The following SERPINB7 variants were observed in gnomAD, a reference collection of about 807,000 sequenced individuals.
SERPINB7 encodes the protein serpin B7.
In SERPINB7, 31 loss-of-function variants were observed where a neutral mutation model predicts 37.4. The ratio of observed to expected loss-of-function variants is 0.83; its 90% confidence interval spans 0.62 to 1.12. The LOEUF is 1.12. Ranked by LOEUF, SERPINB7 falls within the 50% of genes most tolerant of loss-of-function variation. The pLI, the probability that SERPINB7 is intolerant of heterozygous loss-of-function variation, is 0.00. For missense variants in SERPINB7, 521 were observed against 455.3 expected (o/e 1.14, Z -1.31); for synonymous variants, 163 against 166.1 (o/e 0.98, Z 0.14).
chr18:63,780,099 A>G (rs2049287815), intron 1 of SERPINB7, among the ~76,000 whole-genome samples: 1 of 152,150 alleles, frequency 6.6e-6, no homozygotes, highest in South Asian at 2.1e-4. Context: ...AATACACCCA[A>G]TCTTCTATTA....
At position 63,756,939 on chromosome 18, in the gene SERPINB7, T is replaced by C. The variant is rs1423217513; in HGVS notation, c.-19+3819T>C. Among the ~76,000 whole-genome samples, 5 of 152,096 alleles carry C rather than the reference T, an allele frequency of 3.3e-5. No individual in the cohort carries two copies. The East Asian group carries it at 9.6e-4, about 29-fold the overall frequency. ...AAAGCCTTCTTTCACTCAAATTCTA[T>C]ACCTTTTCCTATTTCAATCGCTATC... On this transcript the variant is annotated intron_variant, in intron 1 of 7. Coordinates refer to the SERPINB7 transcript ENST00000336429.
At chr18:63,783,220 G>GAAAGAAAGAAAGAA (rs1224407643) in intron 2 of SERPINB7, among the ~76,000 whole-genome samples, 6 of 63,856 alleles carry the variant, frequency 9.4e-5, no homozygotes, top group African/African-American at 4.1e-4. Context: ...GAGAGAGAGA[G>GAAAGAAAGAAAGAA]AGAGAGAGAG....
At chr18:63,781,791 G>C (rs1199168790) in intron 1 of SERPINB7, among the ~76,000 whole-genome samples, 1 of 151,890 alleles carries the variant, frequency 6.6e-6, no homozygotes, top group Non-Finnish European at 1.5e-5. Context: ...ATCAGAAAAT[G>C]GTTTTAAACA....
chr18:63,753,521 C>A (rs1485310288), intron 1 of SERPINB7, among the ~76,000 whole-genome samples: 1 of 152,162 alleles, frequency 6.6e-6, no homozygotes, highest in African/African-American at 2.4e-5. Flanking sequence ...TGTGTCTGGG[C>A]TTTCTATCTC....
At position 63,800,893 on chromosome 18, in the gene SERPINB7, C is replaced by A. The variant is rs528238167; in HGVS notation, c.625C>A (p.His209Asn). ...CTCTGGGAAGGCAGTCGCCATGATG[C>A]ATCAGGAACGGAAGTTCAATTTGTC... ...KCSGKAVAMM[H>N]QERKFNLSVI... is the part of the protein sequence containing the mutation. Residue 209 changes from histidine (H) to asparagine (N), a missense_variant, in exon 7 of 8, where the codon CAT becomes AAT. His to Asn is a moderately conservative substitution (Grantham distance 68). Coordinates refer to ENST00000398019, the MANE Select transcript of SERPINB7 (RefSeq NM_003784.4). The A allele has an allele frequency of 1.1e-5, 17 of 1,613,772 alleles. No homozygotes were observed. The South Asian group carries it at 1.8e-4, about 17-fold the overall frequency.
intron 1 of SERPINB7, among the ~76,000 whole-genome samples, chr18:63,768,275 T>A (rs1221400417): frequency 6.6e-6 from 1 of 151,076 alleles, no homozygotes; most frequent in African/African-American, 2.4e-5. Context: ...CATTTTTTTT[T>A]ATTCTGTAGA....
chr18:63,796,553 A>G (rs950700436), intron 5 of SERPINB7, among the ~76,000 whole-genome samples, 170 bp downstream of exon 5: 5 of 152,192 alleles, frequency 3.3e-5, no homozygotes, highest in Non-Finnish European at 7.3e-5. Context: ...GTGGTTTGGA[A>G]TAATCTTAAT....
At chr18:63,789,817 A>T (rs1347440059) in intron 2 of SERPINB7, among the ~76,000 whole-genome samples, 4 of 152,214 alleles carry the variant, frequency 2.6e-5, no homozygotes, top group African/African-American at 4.8e-5. Context: ...TTATCATAAC[A>T]TGCATAAATG....
chr18:63,800,291 G>A lies in SERPINB7; in HGVS notation c.598-575G>A, dbSNP rs565696381. Among the ~76,000 whole-genome samples the A allele has an allele frequency of 2.0e-5, 3 of 151,768 alleles. No homozygotes were observed. The East Asian group carries it at 5.8e-4, about 29-fold the overall frequency. On this transcript the variant is annotated intron_variant, in intron 6 of 7. Transcript: ENST00000398019. Reference sequence around the variant, plus strand: ...TGCTCAGCCTGGTCTTGAGCTCTTGGGCTCAAGTAGTCCTCTTGCCTGGAC... The same window carrying A: ...TGCTCAGCCTGGTCTTGAGCTCTTGAGCTCAAGTAGTCCTCTTGCCTGGAC...
intron 7 of SERPINB7, among the ~76,000 whole-genome samples, chr18:63,802,600 T>C (rs1048103192): frequency 3.3e-5 from 5 of 152,234 alleles, no homozygotes; most frequent in Non-Finnish European, 5.9e-5. Context: ...TGTGTGTATG[T>C]ATGTGCACAC....
At chr18:63,778,418 A>G (rs1046865780) in intron 1 of SERPINB7, among the ~76,000 whole-genome samples, 2 of 152,158 alleles carry the variant, frequency 1.3e-5, no homozygotes, top group African/African-American at 4.8e-5. Flanking sequence ...TCCTATATGT[A>G]TATCCTAATT....
chr18:63,789,750 C>A (rs1490702466), intron 2 of SERPINB7, among the ~76,000 whole-genome samples: 1 of 152,196 alleles, frequency 6.6e-6, no homozygotes, highest in Non-Finnish European at 1.5e-5. Flanking sequence ...ATGCAAGATT[C>A]TCAAAATATA....
chr18:63,802,258 C>T (rs990446612), intron 7 of SERPINB7, among the ~76,000 whole-genome samples: 5 of 152,138 alleles, frequency 3.3e-5, no homozygotes, highest in East Asian at 1.9e-4. Context: ...AATGGGGAGA[C>T]GGTGGGGGCC....
intron 2 of SERPINB7, among the ~76,000 whole-genome samples, chr18:63,787,013 G>C (rs1380493327): frequency 6.6e-6 from 1 of 151,908 alleles, no homozygotes; most frequent in Non-Finnish European, 1.5e-5. Context: ...ACATGAGATG[G>C]GATAAGACCC....
chr18:63,764,129 G>C (rs1230565548), intron 1 of SERPINB7, among the ~76,000 whole-genome samples: 1 of 152,160 alleles, frequency 6.6e-6, no homozygotes, highest in East Asian at 1.9e-4. Flanking sequence ...ATTTTCCCAA[G>C]AGTTGAATTC....
intron 1 of SERPINB7, among the ~76,000 whole-genome samples, chr18:63,762,421 C>T (rs115602614): frequency 0.011 from 1,689 of 152,282 alleles, 24 homozygotes; most frequent in African/African-American, 0.036. Context: ...TTGCCCAGAA[C>T]ATTCCACTAT....
At chr18:63,774,097 T>A (rs950840384), upstream of SERPINB7, among the ~76,000 whole-genome samples, 4 of 152,072 alleles carry the variant, frequency 2.6e-5, no homozygotes, top group Non-Finnish European at 4.4e-5. Context: ...CATTTTTTTT[T>A]TATATTAACA....
At chr18:63,780,937 T>C (rs755912669) in intron 1 of SERPINB7, among the ~76,000 whole-genome samples, 1 of 152,236 alleles carries the variant, frequency 6.6e-6, no homozygotes, top group Non-Finnish European at 1.5e-5. Context: ...TCACAGAGAA[T>C]AGTAAATGCA....
At chr18:63,802,701 G>A (rs531100736) in intron 7 of SERPINB7, among the ~76,000 whole-genome samples, 2 of 152,226 alleles carry the variant, frequency 1.3e-5, no homozygotes, top group Middle Eastern at 3.4e-3. Flanking sequence ...TATTTGCTGT[G>A]GAATAACAGG....
Sources: gnomAD v4.1 joint callset for allele counts (sites outside exome capture counted in the v4.1 genomes callset) on GRCh38, gnomAD v4.1.1 for gene constraint, MANE v1.5 for transcripts, NCBI Gene and HGNC (gene_info 2026-07-23, HGNC 2026-07-21) for gene names.